The following CDIN1 variants were observed in gnomAD, a reference collection of about 807,000 sequenced individuals.
The protein encoded by CDIN1 is CDAN1-interacting nuclease 1.
A neutral mutation model predicts 45.3 loss-of-function variants in CDIN1; 33 were observed. The ratio of observed to expected loss-of-function variants is 0.73; its 90% confidence interval spans 0.55 to 0.97. The LOEUF is 0.97. CDIN1 is among the 50% of genes least tolerant of loss of function. The pLI is 0.00. For missense variants in CDIN1, 303 were observed against 339.4 expected (o/e 0.89, Z 0.84); for synonymous variants, 118 against 124.4 (o/e 0.95, Z 0.34).
intron 10 of CDIN1, among the ~76,000 whole-genome samples, chr15:36,759,563 C>A (rs769430435): frequency 6.6e-6 from 1 of 151,738 alleles, no homozygotes; most frequent in Non-Finnish European, 1.5e-5. Flanking sequence ...TCTAAAAGTT[C>A]CAGATAAACA....
chr15:36,618,495 G>A, intron 1 of CDIN1: 5 of 1,227,938 alleles, frequency 4.1e-6, no homozygotes, highest in Non-Finnish European at 6.0e-6. Flanking sequence ...CTGAATCAAA[G>A]CCTCCAACAC....
At chr15:36,645,355 G>C (rs2040274509) in intron 3 of CDIN1, 68 bp downstream of exon 3, 4 of 1,262,664 alleles carry the variant, frequency 3.2e-6, no homozygotes, top group Admixed American at 2.6e-5. Context: ...TTATGAATAA[G>C]TTAGGTTATT....
At chr15:36,751,988 G>A (rs1290514647) in intron 10 of CDIN1, among the ~76,000 whole-genome samples, 1 of 152,124 alleles carries the variant, frequency 6.6e-6, no homozygotes, top group African/African-American at 2.4e-5. Flanking sequence ...AACACACACT[G>A]GAGCCTGTTG....
At chr15:36,675,550 A>G (rs2041618710) in intron 5 of CDIN1, among the ~76,000 whole-genome samples, 3 of 152,146 alleles carry the variant, frequency 2.0e-5, no homozygotes, top group Admixed American at 2.0e-4. Flanking sequence ...TCTATCTCTC[A>G]CTTTGGCACA....
intron 1 of CDIN1, among the ~76,000 whole-genome samples, chr15:36,630,364 T>G (rs2140347129): frequency 6.6e-6 from 1 of 152,332 alleles, no homozygotes; most frequent in Non-Finnish European, 1.5e-5. Flanking sequence ...ATTTAACAAA[T>G]TTAACTCTTA....
chr15:36,596,549 T>A (rs2037841178), intron 1 of CDIN1, among the ~76,000 whole-genome samples: 1 of 152,176 alleles, frequency 6.6e-6, no homozygotes, highest in Non-Finnish European at 1.5e-5. Flanking sequence ...CAGTTCAAAA[T>A]GAATGTAAAA....
At chr15:36,644,407 C>A in intron 2 of CDIN1, 84 bp downstream of exon 2, 1 of 1,416,820 alleles carries the variant, frequency 7.1e-7, no homozygotes. Flanking sequence ...ATTGAACTGC[C>A]AGCTCTCTGA....
At chr15:36,640,501 C>T (rs762806549) in intron 1 of CDIN1, 44 of 312,650 alleles carry the variant, frequency 1.4e-4, no homozygotes, top group African/African-American at 5.0e-4. Context: ...TTATTTTTCT[C>T]AGAGAATGTT....
chr15:36,652,502 G>C (rs2040612052), intron 3 of CDIN1, among the ~76,000 whole-genome samples: 1 of 152,164 alleles, frequency 6.6e-6, no homozygotes, highest in Admixed American at 6.5e-5. Context: ...GGTGGTATCA[G>C]TGCAGTGGCC....
chr15:36,609,411 G>A (rs1220699320), intron 1 of CDIN1, among the ~76,000 whole-genome samples: 1 of 152,096 alleles, frequency 6.6e-6, no homozygotes, highest in African/African-American at 2.4e-5. Context: ...CAGTAAAAAT[G>A]TTACTTAAAA....
chr15:36,651,697 A>G (rs967362928), intron 3 of CDIN1, among the ~76,000 whole-genome samples: 3 of 152,126 alleles, frequency 2.0e-5, no homozygotes, highest in African/African-American at 7.2e-5. Context: ...TCAGGGTTCT[A>G]TAGCTTTATT....
intron 10 of CDIN1, among the ~76,000 whole-genome samples, chr15:36,762,231 CCTATT>C (rs1180991718): frequency 6.6e-6 from 1 of 152,178 alleles, no homozygotes; most frequent in Non-Finnish European, 1.5e-5. Context: ...TCTAACCTCT[CCTATT>C]CTTTAAACTT....
chr15:36,653,175 A>T (rs549096449), intron 3 of CDIN1, among the ~76,000 whole-genome samples: 3 of 152,276 alleles, frequency 2.0e-5, no homozygotes, highest in Non-Finnish European at 4.4e-5. Flanking sequence ...ACGTTACATG[A>T]TAGAAAGATG....
At position 36,644,331 on chromosome 15, in the gene CDIN1, G is replaced by T. The variant is rs557338441; in HGVS notation, c.147+8G>T. The T allele has an allele frequency of 6.2e-7, 1 of 1,612,746 alleles. No homozygotes were observed. The highest frequency in any genetic ancestry group is 1.1e-5 in the South Asian group (1 of 90,934). On this transcript the variant is annotated splice_region_variant and intron_variant, in intron 2 of 10. Transcript: ENST00000566621. The stretch of plus-strand genomic sequence containing the variant: ...TTCTCCCAGGAGTACCAGGTTAGAA[G>T]TTTTCTCCTTTGTGAGGGTTGACAG...
At chr15:36,614,917 A>G (rs1366731656) in intron 1 of CDIN1, among the ~76,000 whole-genome samples, 1 of 152,022 alleles carries the variant, frequency 6.6e-6, no homozygotes, top group Non-Finnish European at 1.5e-5. Context: ...CCCCCTCCCA[A>G]CTGCTTACAG....
Position 36,648,427 on chromosome 15 carries a change from A to ATTTTTTTTTTT in CDIN1, c.212+3152_212+3162dup, listed in dbSNP as rs4008147. On this transcript the variant is annotated intron_variant, in intron 3 of 10. Coordinates refer to ENST00000566621, the MANE Select transcript of CDIN1 (RefSeq NM_001321759.2). ...CGAGCATATATGTTTCCAATATTCT[A>ATTTTTTTTTTT]TTTTTTTTTTTTTTTTTTTTTTGAG... 1.9e-3 allele frequency among the ~76,000 whole-genome samples: 174 copies of ATTTTTTTTTTT among 91,046 alleles called. 2 individuals carry two copies. The highest frequency in any genetic ancestry group is 2.3e-3 in the Non-Finnish European group (118 of 50,674). The allele number at this position is 91,046 out of a possible 152,430, so 59.7% of individuals were successfully genotyped here. A position where few individuals can be genotyped will look rare whatever the true frequency, so the allele number is the denominator to read the frequency against.
intron 4 of CDIN1, among the ~76,000 whole-genome samples, chr15:36,655,037 C>T (rs1180050680): frequency 6.6e-6 from 1 of 152,146 alleles, no homozygotes; most frequent in Non-Finnish European, 1.5e-5. Context: ...AAAGATGACT[C>T]GGTACTGTGA....
chr15:36,747,700 G>A (rs2044493866), intron 10 of CDIN1, among the ~76,000 whole-genome samples: 1 of 152,132 alleles, frequency 6.6e-6, no homozygotes, highest in Admixed American at 6.6e-5. Flanking sequence ...AACATTTATG[G>A]TAGGAATTGT....
chr15:36,682,561 C>T (rs907191027), intron 5 of CDIN1, among the ~76,000 whole-genome samples: 5 of 150,848 alleles, frequency 3.3e-5, no homozygotes, highest in African/African-American at 1.2e-4. Flanking sequence ...ATTGCTTGAG[C>T]CCAAGAGTTC....
Sources: gnomAD v4.1 joint callset for allele counts (sites outside exome capture counted in the v4.1 genomes callset) on GRCh38, gnomAD v4.1.1 for gene constraint, MANE v1.5 for transcripts, NCBI Gene and HGNC (gene_info 2026-07-23, HGNC 2026-07-21) for gene names.